TCF20: variants seen among roughly 807,000 people sequenced by gnomAD.
TCF20 encodes transcription factor 20.
Under a neutral mutation model 148.6 loss-of-function variants are expected in TCF20, and 3 were observed. The observed-to-expected ratio is 0.02, with a 90% CI of 0.01 to 0.05. The LOEUF (loss-of-function observed/expected upper bound fraction) is 0.05. TCF20 is among the 10% of genes least tolerant of loss of function. TCF20 has a pLI of 1.00. For synonymous variants in TCF20, 1,049 were observed against 909.5 expected, an observed-to-expected ratio of 1.15 and a Z score of -2.76; for missense variants, 2,350 against 2,429.3, an observed-to-expected ratio of 0.97 and a Z score of 0.69.
intron 2 of TCF20, among the ~76,000 whole-genome samples, chr22:42,191,609 GTT>G (rs1258826193): frequency 6.6e-6 from 1 of 152,118 alleles, no homozygotes; most frequent in Non-Finnish European, 1.5e-5. Flanking sequence ...CTTATCTACA[GTT>G]ATATATACTC....
chr22:42,216,455 G>A (rs1023286238), intron 1 of TCF20, among the ~76,000 whole-genome samples: 1 of 152,036 alleles, frequency 6.6e-6, no homozygotes, highest in African/African-American at 2.4e-5. Context: ...AGCCCATATG[G>A]GTTCCACACA....
At chr22:42,222,778 T>C (rs1344252990) in intron 1 of TCF20, among the ~76,000 whole-genome samples, 1 of 152,248 alleles carries the variant, frequency 6.6e-6, no homozygotes, top group Admixed American at 6.5e-5. Context: ...GAGAATGTGT[T>C]GGCTTTACCT....
At chr22:42,226,874 G>A (rs1014258554) in intron 1 of TCF20, among the ~76,000 whole-genome samples, 1 of 152,112 alleles carries the variant, frequency 6.6e-6, no homozygotes, top group South Asian at 2.1e-4. Context: ...CAAACTAGCA[G>A]AACAAATGGT....
intron 1 of TCF20, among the ~76,000 whole-genome samples, chr22:42,245,950 A>C (rs1443513975): frequency 6.6e-6 from 1 of 152,020 alleles, no homozygotes; most frequent in Non-Finnish European, 1.5e-5. Context: ...TCAATGATCT[A>C]GTTGTCTGTT....
chr22:42,288,398 T>C (rs1234656505), upstream of TCF20, among the ~76,000 whole-genome samples: 1 of 151,854 alleles, frequency 6.6e-6, no homozygotes, highest in Non-Finnish European at 1.5e-5. Context: ...TAGCCAGGCA[T>C]GGTGGCACAT....
At chr22:42,218,356 T>C (rs932376) in intron 1 of TCF20, among the ~76,000 whole-genome samples, 46,181 of 152,050 alleles carry the variant, frequency 0.3, 7,413 homozygotes, top group African/African-American at 0.37. Context: ...GCCACCCTCT[T>C]ATAAGGACCT....
chr22:42,273,253 G>C (rs1405204973), upstream of TCF20, among the ~76,000 whole-genome samples: 1 of 151,144 alleles, frequency 6.6e-6, no homozygotes, highest in African/African-American at 2.4e-5. Context: ...CCAGCTACTT[G>C]GGAGGCTGAG....
chr22:42,320,406 C>T lies in TCF20; in HGVS notation c.-37+23073G>A, dbSNP rs1392114290. ...CTCATGGCCTTGTTGTGTGGGTTCA[C>T]GCACAGGGGCTGGACACCAGCTCCT... On this transcript the variant is annotated intron_variant, in intron 1 of 1. Transcript: ENST00000515426. 7.9e-5 allele frequency among the ~76,000 whole-genome samples: 12 copies of T among 152,324 alleles called. No individual in the cohort carries two copies. The South Asian group carries it at 1.2e-3, about 16-fold the overall frequency.
intron 2 of TCF20, among the ~76,000 whole-genome samples, chr22:42,199,648 T>C (rs1937850471): frequency 2.3e-5 from 3 of 129,202 alleles, no homozygotes; most frequent in South Asian, 5.0e-4. Context: ...GGCAAGTGGA[T>C]CACCTGAGGT....
rs1920973202 is a variant in TCF20, at chr22:42,211,694, T to C, written c.3612A>G (p.Pro1204=). The change falls in exon 2 of 6, where the codon CCA becomes CCG. Residue 1204 remains proline, a synonymous_variant. Transcript: ENST00000677622. ...CATACCTTTTTTGACTGGACATTCC[T>C]GGAGGACCGCTGCTTTTGGCTGGAG... The part of the protein sequence containing the change: ...QTSPAKSSGP[P]GMSSQKRYGP... The C allele has an allele frequency of 1.2e-6, 2 of 1,614,214 alleles. No individual in the cohort carries two copies. Among genetic ancestry groups the C allele is most frequent in the Non-Finnish European group, 1.7e-6 (2 of 1,180,036 alleles).
chr22:42,324,568 C>CTCCACCATTGGAGAAAATAATT (rs1927836684), intron 1 of TCF20, among the ~76,000 whole-genome samples: 1 of 151,702 alleles, frequency 6.6e-6, no homozygotes, highest in Non-Finnish European at 1.5e-5. Flanking sequence ...AGAAAATAAT[C>CTCCACCATTGGAGAAAATAATT]TCCACCATTG....
In TCF20 at chr22:42,213,042, T is replaced by C. The variant is rs772642085; in HGVS notation, c.2264A>G (p.Glu755Gly). Residue 755 changes from glutamate to glycine, a missense_variant, in exon 2 of 6, where the codon GAA becomes GGA. Physicochemically the swap from Glu to Gly is moderately conservative, Grantham distance 98. This residue lies in a region of TCF20 where 1,641 missense variants were observed against 1,662.6 expected (regional missense o/e 0.99). Transcript: ENST00000677622. ...GTGGTGGTGGTAACCCTGAAGCACT[T>C]CCTGCAGGAGGCTTGGGAATTTTTC... ...RNEKFPSLLQ[E>G]VLQGYHHHPD... is the part of the protein sequence containing the mutation. The C allele has an allele frequency of 6.2e-7, 1 of 1,614,138 alleles. No homozygotes were observed. The highest frequency in any genetic ancestry group is 8.5e-7 in the Non-Finnish European group (1 of 1,180,006).
At chr22:42,208,589 A>T (rs985962432) in intron 2 of TCF20, among the ~76,000 whole-genome samples, 1 of 151,076 alleles carries the variant, frequency 6.6e-6, no homozygotes, top group African/African-American at 2.5e-5. Context: ...AGTGACAACA[A>T]AACAAAACAA....
upstream of TCF20, among the ~76,000 whole-genome samples, chr22:42,286,324 G>C (rs1002448630): frequency 2.0e-5 from 3 of 152,172 alleles, no homozygotes; most frequent in African/African-American, 7.2e-5. Context: ...GACTGGAACA[G>C]TGAATTGAAG....
Position 42,338,056 on chromosome 22 carries a change from C to T in TCF20, c.-37+5423G>A, listed in dbSNP as rs1928096210. ...GTGGCCAGAGGGAGGGGGTACTGGG[C>T]CCCACCTGGGTCCAGTGGGGGCATG... On this transcript the variant is annotated intron_variant, in intron 1 of 1. Coordinates refer to the TCF20 transcript ENST00000515426. The surrounding 1 kb of genome is among the most constrained non-coding windows in gnomAD (Gnocchi z 4.0). 6.6e-6 allele frequency among the ~76,000 whole-genome samples: 1 copy of T among 152,156 alleles called. No homozygotes were observed. The highest frequency in any genetic ancestry group is 2.1e-4 in the South Asian group (1 of 4,830).
rs149529711 is a variant in TCF20, at chr22:42,244,123, G to A, written c.-37+26216C>T. The stretch of plus-strand genomic sequence containing the variant: ...GGAGGCTGAAGCAAGAGAATCACTC[G>A]AGCCCAGTGAGTGAAGCCTGTAGTG... On this transcript the variant is annotated intron_variant, in intron 1 of 5. Transcript: ENST00000677622. Among the ~76,000 whole-genome samples, 704 of 152,196 alleles carry A rather than the reference G, an allele frequency of 4.6e-3. 3 individuals carry two copies. The highest frequency in any genetic ancestry group is 0.016 in the African/African-American group (664 of 41,508).
At chr22:42,329,473 A>G (rs1927932205) in intron 1 of TCF20, among the ~76,000 whole-genome samples, 1 of 152,252 alleles carries the variant, frequency 6.6e-6, no homozygotes, top group Non-Finnish European at 1.5e-5. Context: ...GAGCAGGCTC[A>G]AGGAGGAGAG....
rs149820750 is a variant in TCF20 at position 42,334,517 on chromosome 22, G to C, written c.-37+8962C>G. Among the ~76,000 whole-genome samples the C allele has an allele frequency of 3.1e-3, 472 of 152,386 alleles. 3 individuals carry two copies. The highest frequency in any genetic ancestry group is 0.024 in the Middle Eastern group (7 of 294). On this transcript the variant is annotated intron_variant, in intron 1 of 1. Transcript: ENST00000515426. ...ACAGCAACTGTGTGCTGCAGCCACTGTTCTAGGAGCTGGAGGCAGAGCAGG... is the reference window on the plus strand; with the variant it reads ...ACAGCAACTGTGTGCTGCAGCCACTCTTCTAGGAGCTGGAGGCAGAGCAGG...
Position 42,292,849 on chromosome 22 carries a change from G to A in TCF20, c.-37+50630C>T, listed in dbSNP as rs1037511850. 2.0e-5 allele frequency among the ~76,000 whole-genome samples: 3 copies of A among 150,940 alleles called. No homozygotes were observed. The highest frequency in any genetic ancestry group is 3.0e-5 in the Non-Finnish European group (2 of 67,778). ...TGAATGACCGGGTCTCAGCTTGAGC[G>A]GCACAGACACATGGCTGGTGTGACC... On this transcript the variant is annotated intron_variant, in intron 1 of 1. Transcript: ENST00000515426. This position sits in a 1 kb window ranked among gnomAD's most constrained non-coding sequence, Gnocchi z 4.9.
Sources: allele counts gnomAD v4.1 joint callset (sites outside exome capture counted in the v4.1 genomes callset), GRCh38; gene constraint gnomAD v4.1.1; regional missense constraint gnomAD v4.1.1; non-coding constraint Gnocchi (gnomAD v3.1); transcripts MANE v1.5; gene names NCBI Gene and HGNC (gene_info 2026-07-23, HGNC 2026-07-21).